IGDCC3: variants seen among roughly 807,000 people sequenced by gnomAD.
IGDCC3 encodes the protein putative neuronal cell adhesion molecule.
A neutral mutation model predicts 72.0 loss-of-function variants in IGDCC3; 47 were observed. That is an observed-to-expected ratio of 0.65 (90% CI 0.52 to 0.83). IGDCC3 has a LOEUF of 0.83. Among genes scored for constraint, IGDCC3 ranks in the 40% least tolerant of loss-of-function variants. IGDCC3 has a pLI of 0.00. For synonymous variants in IGDCC3, 477 were observed against 472.8 expected (o/e 1.01, Z -0.11); for missense variants, 1,038 against 1,091.3 (o/e 0.95, Z 0.69).
intron 2 of IGDCC3, among the ~76,000 whole-genome samples, chr15:65,368,622 G>A (rs1002627628): frequency 1.3e-5 from 2 of 152,164 alleles, no homozygotes; most frequent in African/African-American, 4.8e-5. Flanking sequence ...TAGCTAGAGA[G>A]TAAAGCCCAA....
At chr15:65,362,846 AT>A (rs869239198) in intron 2 of IGDCC3, among the ~76,000 whole-genome samples, 3,465 of 85,640 alleles carry the variant, frequency 0.04, 49 homozygotes, top group African/African-American at 0.051. Flanking sequence ...AGGTTTGGGG[AT>A]TTTTTTTTTT....
intron 2 of IGDCC3, among the ~76,000 whole-genome samples, chr15:65,354,739 T>A (rs898674672): frequency 6.6e-6 from 1 of 152,104 alleles, no homozygotes; most frequent in Non-Finnish European, 1.5e-5. Context: ...TCCACATAAG[T>A]CCCCAGCCTG....
intron 2 of IGDCC3, among the ~76,000 whole-genome samples, chr15:65,366,759 C>T (rs926276220): frequency 6.6e-6 from 1 of 152,214 alleles, no homozygotes; most frequent in East Asian, 1.9e-4. Context: ...GCCAGCAGCT[C>T]CCCCGGCTTG....
rs567003045 is a variant in IGDCC3, at chr15:65,361,660, A to T, written c.409+13437T>A. ...AGTAGTGAAAGGCCCCGCGTCCTGG[A>T]TGCTGGGAGCCCGGGAAGCGAGGAC... On this transcript the variant is annotated intron_variant, in intron 2 of 13. Coordinates refer to ENST00000327987, the MANE Select transcript of IGDCC3 (RefSeq NM_004884.4). Among the ~76,000 whole-genome samples the T allele has an allele frequency of 9.9e-5, 15 of 152,196 alleles. No homozygotes were observed. The South Asian group carries it at 2.9e-3, about 29-fold the overall frequency.
chr15:65,328,638 C>T lies in IGDCC3; in HGVS notation c.*271G>A, dbSNP rs561892060. ...TTTAAAGAAAAATGTTAGTTCAGTTCCAAGTCATGTGGGTACCAGGCAGAG... is the reference window on the plus strand; with the variant it reads ...TTTAAAGAAAAATGTTAGTTCAGTTTCAAGTCATGTGGGTACCAGGCAGAG... On this transcript the variant is annotated 3_prime_UTR_variant, in exon 14 of 14. Coordinates refer to ENST00000327987, the MANE Select transcript of IGDCC3 (RefSeq NM_004884.4). 5 of 367,302 alleles carry T rather than the reference C, an allele frequency of 1.4e-5. No individual in the cohort carries two copies. The highest frequency in any genetic ancestry group is 1.0e-4 in the African/African-American group (5 of 47,670). The allele number at this position is 367,302 out of a possible 1,614,324, so 22.8% of individuals were successfully genotyped here.
chr15:65,333,352 T>A lies in IGDCC3; in HGVS notation c.887A>T (p.Asp296Val). 1 of 1,612,642 alleles carries A rather than the reference T, an allele frequency of 6.2e-7. No homozygotes were observed. Among genetic ancestry groups the A allele is most frequent in the East Asian group, 2.2e-5 (1 of 44,776 alleles). ...VLGTGNLIIS[D>V]VTVQHSGVYV... The stretch of plus-strand genomic sequence containing the variant: ...GACGCCAGAGTGCTGGACCGTCACG[T>A]CTGAGATGATGAGGTTTCCTGTGCC... Residue 296 changes from aspartate to valine, a missense_variant, in exon 6 of 14, where the codon GAC becomes GTC. Asp to Val is a radical substitution (Grantham distance 152). Coordinates refer to ENST00000327987, the MANE Select transcript of IGDCC3 (RefSeq NM_004884.4).
In IGDCC3 at chr15:65,329,500, G is replaced by A. The variant is rs369729407; in HGVS notation, c.2095C>T (p.Arg699Trp). 1.2e-5 allele frequency: 20 copies of A among 1,608,330 alleles called. No individual in the cohort carries two copies. The highest frequency in any genetic ancestry group is 2.7e-5 in the African/African-American group (2 of 74,372). ...CGGCCCAGCTGGCCCCGCTGTCCCC[G>A]TCTCGCCCCATTTAGGGCTAGAATG... ...PGILALNGAR[R>W]GQRGQLGRDE... The change falls in exon 13 of 14, where the codon CGG (arginine) becomes TGG (tryptophan). Residue 699 changes from arginine (R) to tryptophan (W), a missense_variant. Arg to Trp is a moderately radical substitution (Grantham distance 101, BLOSUM62 -3). Coordinates refer to ENST00000327987, the MANE Select transcript of IGDCC3 (RefSeq NM_004884.4). This position sits in a 1 kb window ranked among gnomAD's most constrained non-coding sequence, Gnocchi z 4.1.
rs3743166 is a variant in IGDCC3 at position 65,331,886 on chromosome 15, C to T, written c.1148+55G>A. On this transcript the variant is annotated intron_variant, in intron 7 of 13. Coordinates refer to ENST00000327987, the MANE Select transcript of IGDCC3 (RefSeq NM_004884.4). ...GCCTACTCAGGCCACTCACTCCAGG[C>T]CCCGCTTTCCCTGCTCTCCCCTGGT... 8.6e-5 allele frequency: 134 copies of T among 1,564,160 alleles called. 1 individual carries two copies. In the East Asian group the frequency reaches 2.8e-3, roughly 33 times the overall value.
chr15:65,347,640 C>T (rs1376438912), intron 2 of IGDCC3, among the ~76,000 whole-genome samples: 1 of 152,180 alleles, frequency 6.6e-6, no homozygotes, highest in Non-Finnish European at 1.5e-5. Flanking sequence ...GCTGATAAAA[C>T]AGGTGGCAGG....
chr15:65,357,106 C>A (rs1259364540), intron 2 of IGDCC3, among the ~76,000 whole-genome samples: 2 of 151,928 alleles, frequency 1.3e-5, no homozygotes, highest in Non-Finnish European at 2.9e-5. Flanking sequence ...CCCACCTCAG[C>A]CTCCCAAAGT....
At chr15:65,367,824 C>T (rs2091297442) in intron 2 of IGDCC3, among the ~76,000 whole-genome samples, 1 of 152,092 alleles carries the variant, frequency 6.6e-6, no homozygotes, top group Non-Finnish European at 1.5e-5. Flanking sequence ...ACAGGAGAGC[C>T]CTTTGAGGAG....
At chr15:65,341,757 G>T (rs1313056279) in intron 2 of IGDCC3, among the ~76,000 whole-genome samples, 1 of 152,152 alleles carries the variant, frequency 6.6e-6, no homozygotes, top group Non-Finnish European at 1.5e-5. Flanking sequence ...TAATGTGGTA[G>T]CTACAAGCCA....
chr15:65,375,142 G>A lies in IGDCC3; in HGVS notation c.364C>T (p.Arg122Cys), dbSNP rs894457127. 8.1e-6 allele frequency: 13 copies of A among 1,613,988 alleles called. No homozygotes were observed. Among genetic ancestry groups the A allele is most frequent in the Middle Eastern group, 1.6e-4 (1 of 6,084 alleles). ...TTCCGGCTGACCACCAGCCCAAAGC[G>A]GTTCTGGGCCACACACTCATAGTCA... is the stretch of plus-strand genomic sequence containing the variant. ...EGDYECVAQN[R>C]FGLVVSRKAR... Residue 122 changes from arginine to cysteine, a missense_variant, in exon 2 of 14, where the codon CGC becomes TGC. Physicochemically the swap from Arg to Cys is radical, Grantham distance 180. Coordinates refer to ENST00000327987, the MANE Select transcript of IGDCC3 (RefSeq NM_004884.4).
intron 3 of IGDCC3, 32 bp downstream of exon 3, chr15:65,335,780 T>C (rs752822141): frequency 1.2e-6 from 2 of 1,612,450 alleles, no homozygotes; most frequent in African/African-American, 2.7e-5. Context: ...CACCTCTTTG[T>C]CCTCCCTCTG....
chr15:65,334,517 A>G, intron 5 of IGDCC3: 1 of 544,548 alleles, frequency 1.8e-6, no homozygotes, highest in Non-Finnish European at 3.2e-6. Context: ...CCATCCCTGC[A>G]GGGATGAGAA....
intron 2 of IGDCC3, among the ~76,000 whole-genome samples, chr15:65,370,622 A>ATG (rs1567073027): frequency 1.2e-5 from 1 of 81,696 alleles, no homozygotes; most frequent in African/African-American, 6.3e-5. Context: ...ATGTATGTGT[A>ATG]TATATATATA....
chr15:65,344,721 T>C (rs1022356077), intron 2 of IGDCC3, among the ~76,000 whole-genome samples: 20 of 152,198 alleles, frequency 1.3e-4, no homozygotes, highest in Non-Finnish European at 5.9e-5. Flanking sequence ...CTTAAAGCCC[T>C]GCTTTTAATT....
chr15:65,328,559 T>G lies in IGDCC3; in HGVS notation c.*350A>C, dbSNP rs976951037. 2 of 195,082 alleles carry G rather than the reference T, an allele frequency of 1.0e-5. No homozygotes were observed. Among genetic ancestry groups the G allele is most frequent in the African/African-American group, 4.6e-5 (2 of 43,228 alleles). The allele number at this position is 195,082 out of a possible 1,614,324, so 12.1% of individuals were successfully genotyped here. ...TACAGCAGGGTCATCTTTTGGAGTC[T>G]AATTCACCTTCCTCTATCTCTCTCC... On this transcript the variant is annotated 3_prime_UTR_variant, in exon 14 of 14. Coordinates refer to ENST00000327987, the MANE Select transcript of IGDCC3 (RefSeq NM_004884.4).
In IGDCC3 at chr15:65,327,733, C is replaced by T. The variant is rs1053311205; in HGVS notation, c.*1176G>A. 6.8e-6 allele frequency: 1 copy of T among 146,888 alleles called. No individual in the cohort carries two copies. The highest frequency in any genetic ancestry group is 1.5e-5 in the Non-Finnish European group (1 of 68,028). The allele number at this position is 146,888 out of a possible 1,614,324, so 9.1% of individuals were successfully genotyped here. The stretch of plus-strand genomic sequence containing the variant: ...ATGGCTGCTGACAGTGGATGCTCCC[C>T]TGTCGAGGGGTGGATCAGGCTGGCT... On this transcript the variant is annotated 3_prime_UTR_variant, in exon 14 of 14. Transcript: ENST00000327987.
Sources: allele counts gnomAD v4.1 joint callset (sites outside exome capture counted in the v4.1 genomes callset), GRCh38; gene constraint gnomAD v4.1.1; non-coding constraint Gnocchi (gnomAD v3.1); transcripts MANE v1.5; gene names NCBI Gene and HGNC (gene_info 2026-07-23, HGNC 2026-07-21).